Variants in MMD2 observed in about 807,000 individuals in gnomAD.
MMD2 encodes the protein monocyte to macrophage differentiation factor 2.
A neutral mutation model predicts 33.5 loss-of-function variants in MMD2; 30 were observed. The ratio of observed to expected loss-of-function variants is 0.90; its 90% CI spans 0.67 to 1.22. MMD2 has a LOEUF of 1.22. Ranked by LOEUF, MMD2 falls within the 50% of genes most tolerant of loss-of-function variation. MMD2 has a pLI of 0.00. For synonymous variants in MMD2, 129 were observed against 123.0 expected (o/e 1.05, Z -0.32); for missense variants, 364 against 325.4 (o/e 1.12, Z -0.91).
chr7:4,952,971 C>T (rs1045395201), intron 1 of MMD2, among the ~76,000 whole-genome samples: 1 of 151,488 alleles, frequency 6.6e-6, no homozygotes, highest in Non-Finnish European at 1.5e-5. Context: ...GCCACCACAC[C>T]TGGCCTTTTT....
chr7:4,949,446 G>A (rs1361881742), intron 1 of MMD2, among the ~76,000 whole-genome samples: 1 of 151,454 alleles, frequency 6.6e-6, no homozygotes, highest in Non-Finnish European at 1.5e-5. Context: ...TTGTCTTTCT[G>A]TGCCTGGCTT....
chr7:4,912,470 G>A (rs1440207816), intron 4 of MMD2, among the ~76,000 whole-genome samples: 1 of 151,512 alleles, frequency 6.6e-6, no homozygotes, highest in Non-Finnish European at 1.5e-5. Flanking sequence ...GCTGAGGCAG[G>A]AGAATGGCGT....
chr7:4,896,671 G>A, the MMD2 span, among the ~76,000 whole-genome samples: 1 of 152,064 alleles, frequency 6.6e-6, no homozygotes, highest in Non-Finnish European at 1.5e-5. Context: ...AGACATAGAT[G>A]ACTATTGTTC....
At chr7:4,901,392 G>T (rs1784792550), downstream of MMD2, among the ~76,000 whole-genome samples, 2 of 152,170 alleles carry the variant, frequency 1.3e-5, no homozygotes, top group African/African-American at 4.8e-5. Context: ...AGTGAGCCAA[G>T]ATCACGCCAC....
chr7:4,916,306 T>C (rs1010417639), intron 3 of MMD2, among the ~76,000 whole-genome samples: 1 of 151,208 alleles, frequency 6.6e-6, no homozygotes, highest in Admixed American at 6.6e-5. Flanking sequence ...GGAGACACCT[T>C]GCCTCGGGGG....
At position 4,911,148 on chromosome 7, in the gene MMD2, T is replaced by C; in HGVS notation, c.464A>G (p.Glu155Gly). 1 of 1,578,688 alleles carries C rather than the reference T, an allele frequency of 6.3e-7. No individual in the cohort carries two copies. The highest frequency in any genetic ancestry group is 1.2e-5 in the South Asian group (1 of 85,888). ...VGTIYVFFFH[E>G]RYKLVELLCY... The stretch of plus-strand genomic sequence containing the variant: ...GAAGCCCCCAGGCCTGGCTTACCGC[T>C]CATGGAAGAAGAAGACATAGATGGT... The change falls in exon 5 of 7, where the codon GAG (glutamate) becomes GGG (glycine). Residue 155 changes from glutamate to glycine, a missense_variant. Transcript: ENST00000401401.
intron 1 of MMD2, among the ~76,000 whole-genome samples, chr7:4,931,526 C>G (rs1387843702): frequency 1.3e-5 from 2 of 152,014 alleles, no homozygotes; most frequent in Admixed American, 6.6e-5. Flanking sequence ...GATCACAGCT[C>G]ACTGCAAGCT....
intron 1 of MMD2, among the ~76,000 whole-genome samples, chr7:4,926,209 C>G (rs368756296): frequency 6.6e-6 from 1 of 151,728 alleles, no homozygotes; most frequent in Non-Finnish European, 1.5e-5. Context: ...GTGATCCTCC[C>G]GCCTCAGCCT....
At chr7:4,949,022 C>T (rs1329524461) in intron 1 of MMD2, among the ~76,000 whole-genome samples, 2 of 151,924 alleles carry the variant, frequency 1.3e-5, no homozygotes, top group Admixed American at 1.3e-4. Flanking sequence ...GTGAGCTGAG[C>T]CAACATGGAA....
At position 4,946,040 on chromosome 7, in the gene MMD2, T is replaced by C. The variant is rs1260471050; in HGVS notation, c.47+12931A>G. On this transcript the variant is annotated intron_variant, in intron 1 of 6. Transcript: ENST00000401401. The surrounding 1 kb of genome is among the most constrained non-coding windows in gnomAD (Gnocchi z 5.0). Reference sequence around the variant, plus strand: ...CTCAGAGAAGATTCCTCTGGAGACGTACACCTCTCTGGGGCAAAATGCACA... The same window carrying C: ...CTCAGAGAAGATTCCTCTGGAGACGCACACCTCTCTGGGGCAAAATGCACA... 6.6e-6 allele frequency among the ~76,000 whole-genome samples: 1 copy of C among 152,176 alleles called. No homozygotes were observed. The highest frequency in any genetic ancestry group is 1.9e-4 in the East Asian group (1 of 5,200).
the MMD2 span, among the ~76,000 whole-genome samples, chr7:4,894,083 T>C: frequency 6.6e-6 from 1 of 152,126 alleles, no homozygotes; most frequent in African/African-American, 2.4e-5. The surrounding 1 kb of genome is among the most constrained non-coding windows in gnomAD (Gnocchi z 4.3). Context: ...TCTCAGTCTT[T>C]TTTACTCAGC....
chr7:4,950,569 G>A (rs547298743), intron 1 of MMD2, among the ~76,000 whole-genome samples: 15 of 152,220 alleles, frequency 9.9e-5, no homozygotes, highest in East Asian at 1.9e-4. Flanking sequence ...TGGACTCCTC[G>A]AGGGACCTCA....
At chr7:4,894,771 C>T in the MMD2 span, among the ~76,000 whole-genome samples, 1 of 152,122 alleles carries the variant, frequency 6.6e-6, no homozygotes, top group Non-Finnish European at 1.5e-5. The surrounding 1 kb of genome is among the most constrained non-coding windows in gnomAD (Gnocchi z 4.3). Flanking sequence ...TCTGTGAGGA[C>T]CCTGCAGCAG....
chr7:4,922,621 C>A (rs1204423054), intron 2 of MMD2, among the ~76,000 whole-genome samples: 2 of 152,134 alleles, frequency 1.3e-5, no homozygotes, highest in African/African-American at 4.8e-5. Flanking sequence ...GTTGCCCAGG[C>A]TGGAGTGCAG....
intron 1 of MMD2, among the ~76,000 whole-genome samples, chr7:4,953,103 ACACCATGCC>A (rs1786293488): frequency 6.6e-6 from 1 of 151,812 alleles, no homozygotes; most frequent in Non-Finnish European, 1.5e-5. Flanking sequence ...CAGGCATGAT[ACACCATGCC>A]CAGCCAAGGA....
At chr7:4,945,457 G>A (rs921950090) in intron 1 of MMD2, among the ~76,000 whole-genome samples, 2 of 150,900 alleles carry the variant, frequency 1.3e-5, no homozygotes, top group African/African-American at 2.4e-5. Flanking sequence ...TAGTAGCGAC[G>A]GGGTTTCACC....
chr7:4,910,624 T>C (rs765643240), intron 5 of MMD2, among the ~76,000 whole-genome samples: 1 of 151,758 alleles, frequency 6.6e-6, no homozygotes, highest in Non-Finnish European at 1.5e-5. Flanking sequence ...GGAACCTATG[T>C]TTTTTTGTTG....
intron 1 of MMD2, among the ~76,000 whole-genome samples, chr7:4,927,817 A>T (rs1473196029): frequency 6.6e-6 from 1 of 152,184 alleles, no homozygotes; most frequent in South Asian, 2.1e-4. Flanking sequence ...CCAGAGCACC[A>T]CGTGGAGCTA....
intron 1 of MMD2, among the ~76,000 whole-genome samples, chr7:4,928,501 G>C (rs1447532466): frequency 6.6e-6 from 1 of 150,596 alleles, no homozygotes; most frequent in Non-Finnish European, 1.5e-5. Flanking sequence ...AGCCTTCATT[G>C]AGCACCTTCC....
Sources: allele counts gnomAD v4.1 joint callset (sites outside exome capture counted in the v4.1 genomes callset), GRCh38; gene constraint gnomAD v4.1.1; non-coding constraint Gnocchi (gnomAD v3.1); transcripts MANE v1.5; gene names NCBI Gene and HGNC (gene_info 2026-07-23, HGNC 2026-07-21).